Variants in IKZF2 observed in about 807,000 individuals in gnomAD.
IKZF2 encodes the protein zinc finger protein Helios.
Under a neutral mutation model 49.2 loss-of-function variants are expected in IKZF2, and 15 were observed. The observed-to-expected ratio is 0.30, with a 90% CI of 0.20 to 0.47. IKZF2 has a LOEUF of 0.47. Ranked by LOEUF, IKZF2 falls within the 20% of genes least tolerant of loss-of-function variation. The pLI, the probability that IKZF2 is intolerant of heterozygous loss-of-function variation, is 1.00. For synonymous variants in IKZF2, 227 were observed against 221.4 expected (o/e 1.03, Z -0.23); for missense variants, 567 against 664.6 (o/e 0.85, Z 1.61).
chr2:213,107,457 C>T (rs1028770373), intron 4 of IKZF2, among the ~76,000 whole-genome samples: 8 of 152,136 alleles, frequency 5.3e-5, no homozygotes, highest in Non-Finnish European at 8.8e-5. Flanking sequence ...ATTAGTATCA[C>T]AAAATTCTAA....
At chr2:213,066,629 A>C (rs1185871570) in intron 4 of IKZF2, among the ~76,000 whole-genome samples, 2 of 152,088 alleles carry the variant, frequency 1.3e-5, no homozygotes, top group African/African-American at 4.8e-5. Context: ...GTGGTGATTA[A>C]GGGGAATTAA....
At chr2:213,074,657 A>G (rs181710938) in intron 4 of IKZF2, among the ~76,000 whole-genome samples, 17 of 152,276 alleles carry the variant, frequency 1.1e-4, no homozygotes, top group Admixed American at 3.9e-4. Flanking sequence ...TAGAAGACTG[A>G]CATTGCATTA....
intron 4 of IKZF2, among the ~76,000 whole-genome samples, chr2:213,142,598 T>A (rs1289417729): frequency 6.6e-6 from 1 of 151,942 alleles, no homozygotes; most frequent in Non-Finnish European, 1.5e-5. Flanking sequence ...AGGTATTGCT[T>A]ATCCCTATTC....
At chr2:213,037,679 A>G (rs1699168331) in intron 6 of IKZF2, among the ~76,000 whole-genome samples, 1 of 152,232 alleles carries the variant, frequency 6.6e-6, no homozygotes, top group Non-Finnish European at 1.5e-5. Flanking sequence ...CACCAAAGGC[A>G]TCAGTATCAG....
intron 2 of IKZF2, among the ~76,000 whole-genome samples, chr2:213,149,545 CT>C (rs1204695691): frequency 2.0e-5 from 3 of 151,872 alleles, no homozygotes; most frequent in Admixed American, 6.6e-5. Flanking sequence ...AAGATTTTTA[CT>C]TTTTTTTCCC....
Position 213,007,792 on chromosome 2 carries a change from G to A in IKZF2, c.1149C>T (p.Pro383=), listed in dbSNP as rs768013917. ...GACTCTTTGGTCTGATGAGAGAGAT[G>A]GGGCCATCCATGTTGTTTTCATGAC... The part of the protein sequence containing the change: ...ADSHENNMDG[P]ISLIRPKSRP... The change falls in exon 9 of 9, where the codon CCC becomes CCT. Residue 383 remains proline (P), a synonymous_variant. Coordinates refer to ENST00000434687, the MANE Select transcript of IKZF2 (RefSeq NM_001387220.1). 19 of 1,613,638 alleles carry A rather than the reference G, an allele frequency of 1.2e-5. No individual in the cohort carries two copies. In the African/African-American group the frequency reaches 2.3e-4, roughly 19 times the overall value.
At chr2:213,057,201 A>AT (rs1701247264) in intron 4 of IKZF2, 102 bp from the exon 5 acceptor site, 1 of 1,022,964 alleles carries the variant, frequency 9.8e-7, no homozygotes, top group African/African-American at 1.6e-5. Flanking sequence ...GATGAAAATG[A>AT]TATATAAAGT....
At chr2:213,027,131 G>A (rs67549184) in intron 6 of IKZF2, among the ~76,000 whole-genome samples, 37,646 of 151,786 alleles carry the variant, frequency 0.25, 5,051 homozygotes, top group African/African-American at 0.29. Flanking sequence ...TAAATAATAT[G>A]TGGGTTATTT....
chr2:213,137,107 C>T (rs78216705), intron 4 of IKZF2, among the ~76,000 whole-genome samples: 2,493 of 151,662 alleles, frequency 0.016, 24 homozygotes, highest in African/African-American at 0.028. Context: ...TGTTGAGGTA[C>T]GGGGGTGTTT....
At chr2:213,048,160 C>T (rs1700345651) in intron 6 of IKZF2, among the ~76,000 whole-genome samples, 2 of 152,048 alleles carry the variant, frequency 1.3e-5, no homozygotes, top group Admixed American at 1.3e-4. Flanking sequence ...CCATTAAACT[C>T]TCTTGAATTA....
chr2:213,083,354 A>C (rs1051029110), intron 4 of IKZF2, among the ~76,000 whole-genome samples: 6 of 141,662 alleles, frequency 4.2e-5, no homozygotes, highest in Non-Finnish European at 7.5e-5. Flanking sequence ...CAGATCAGCT[A>C]TGGCACTAGA....
rs536584147 is a variant in IKZF2, at chr2:213,034,399, T to C, written c.575-12269A>G. 2.0e-4 allele frequency among the ~76,000 whole-genome samples: 31 copies of C among 152,378 alleles called. No homozygotes were observed. In the South Asian group the frequency reaches 6.4e-3, roughly 32 times the overall value. ...GCATGTTTTGCCTGTTGACATACCT[T>C]CCTCACTAAGCCTCATCATTTCTAG... is the stretch of plus-strand genomic sequence containing the variant. On this transcript the variant is annotated intron_variant, in intron 6 of 8. Coordinates refer to ENST00000434687, the MANE Select transcript of IKZF2 (RefSeq NM_001387220.1).
At chr2:213,116,838 C>T (rs147831140) in intron 4 of IKZF2, among the ~76,000 whole-genome samples, 1 of 152,158 alleles carries the variant, frequency 6.6e-6, no homozygotes, top group Non-Finnish European at 1.5e-5. Context: ...GTGCATGTTC[C>T]CCTTCTCCTT....
intron 4 of IKZF2, among the ~76,000 whole-genome samples, chr2:213,132,414 G>A (rs141268554): frequency 6.6e-6 from 1 of 152,090 alleles, no homozygotes; most frequent in East Asian, 1.9e-4. Flanking sequence ...ACTTCACTCA[G>A]GAAAATGTCT....
chr2:213,103,645 G>A lies in IKZF2; in HGVS notation c.139+44063C>T, dbSNP rs375190831. ...CAATAAAACTGTGACATCACTGATCGTCAATAAATGTTTGTTTTGTAAACT... is the reference window on the plus strand; with the variant it reads ...CAATAAAACTGTGACATCACTGATCATCAATAAATGTTTGTTTTGTAAACT... On this transcript the variant is annotated intron_variant, in intron 4 of 8. Transcript: ENST00000434687. Among the ~76,000 whole-genome samples the A allele has an allele frequency of 4.7e-4, 72 of 152,180 alleles. No homozygotes were observed. The South Asian group carries it at 0.012, about 26-fold the overall frequency.
intron 4 of IKZF2, among the ~76,000 whole-genome samples, chr2:213,113,328 T>C (rs1195099788): frequency 6.6e-6 from 1 of 152,166 alleles, no homozygotes; most frequent in Admixed American, 6.5e-5. Context: ...GAGAGTAGCC[T>C]AATCTTTACA....
chr2:213,045,994 T>C (rs1258634540), intron 6 of IKZF2, among the ~76,000 whole-genome samples: 1 of 152,172 alleles, frequency 6.6e-6, no homozygotes, highest in Non-Finnish European at 1.5e-5. Flanking sequence ...GAAATGTCTG[T>C]GGCAAATGGA....
chr2:213,113,881 G>A (rs2059791708), intron 4 of IKZF2, among the ~76,000 whole-genome samples: 1 of 152,220 alleles, frequency 6.6e-6, no homozygotes, highest in East Asian at 1.9e-4. Context: ...CAGAAATAAA[G>A]GTAAATAGCT....
Position 213,000,739 on chromosome 2 carries a change from T to C in IKZF2, c.*6621A>G, listed in dbSNP as rs1219669730. On this transcript the variant is annotated 3_prime_UTR_variant, in exon 9 of 9. Transcript: ENST00000434687. ...AGTGTTTAAAACTCAGCTAAGTGCT[T>C]TGCTTTTATTTAAAAGTTTATTTCT... 6.6e-6 allele frequency: 1 copy of C among 151,962 alleles called. No individual in the cohort carries two copies. The highest frequency in any genetic ancestry group is 6.6e-5 in the Admixed American group (1 of 15,154). The allele number at this position is 151,962 out of a possible 1,614,324, so 9.4% of individuals were successfully genotyped here.
Sources: gnomAD v4.1 joint callset for allele counts (sites outside exome capture counted in the v4.1 genomes callset) on GRCh38, gnomAD v4.1.1 for gene constraint, MANE v1.5 for transcripts, NCBI Gene and HGNC (gene_info 2026-07-23, HGNC 2026-07-21) for gene names.